Variants in PHF2 observed in about 807,000 individuals in gnomAD.
The protein encoded by PHF2 is PHD finger protein 2.
Under a neutral mutation model 120.5 loss-of-function variants are expected in PHF2, and 27 were observed. That is an observed-to-expected ratio of 0.22 (90% confidence interval 0.17 to 0.31). The LOEUF is 0.31. Ranked by LOEUF, PHF2 falls within the 10% of genes least tolerant of loss-of-function variation. PHF2 has a pLI of 1.00. For missense variants in PHF2, 1,024 were observed against 1,434.8 expected, an observed-to-expected ratio of 0.71 and a Z score of 4.63; for synonymous variants, 568 against 592.5, an observed-to-expected ratio of 0.96 and a Z score of 0.60.
At chr9:93,621,325 C>A (rs1470696722) in intron 1 of PHF2, among the ~76,000 whole-genome samples, 1 of 152,200 alleles carries the variant, frequency 6.6e-6, no homozygotes, top group Non-Finnish European at 1.5e-5. Flanking sequence ...TTTTGGGCGG[C>A]AGAAGGACCC....
intron 17 of PHF2, 44 bp from the exon 18 acceptor site, chr9:93,673,541 G>A: frequency 1.3e-6 from 2 of 1,505,634 alleles, no homozygotes; most frequent in Non-Finnish European, 1.8e-6. Flanking sequence ...CTGGGCTGCA[G>A]GCCAAGAGCA....
In PHF2 at chr9:93,649,115, G is replaced by T. The variant is rs764486090; in HGVS notation, c.505G>T (p.Asp169Tyr). Residue 169 changes from aspartate to tyrosine, a missense_variant, in exon 5 of 22, where the codon GAC (aspartate) becomes TAC (tyrosine). Asp to Tyr is a radical substitution (Grantham distance 160, BLOSUM62 -3). Around this residue, in one of 2 missense-constraint regions of PHF2, gnomAD observed 347 missense variants for 577.4 expected, o/e 0.60. Transcript: ENST00000359246. ...TGTGACAGATGTCACCAAGCAGAAG[G>T]ACTGCAAGATGAAGCTGAAGGAGTT... ...VDVTDVTKQKDCKMKLKEFVD... is the reference protein window; with the variant it reads ...VDVTDVTKQKYCKMKLKEFVD... The T allele has an allele frequency of 1.3e-5, 20 of 1,551,120 alleles. No individual in the cohort carries two copies. The South Asian group carries it at 2.1e-4, about 17-fold the overall frequency.
At chr9:93,661,296 AG>A (rs1826560209) in intron 12 of PHF2, among the ~76,000 whole-genome samples, 2 of 152,148 alleles carry the variant, frequency 1.3e-5, no homozygotes, top group East Asian at 3.9e-4. Flanking sequence ...AGGAAACTTC[AG>A]GGCCGGCATC....
Position 93,667,236 on chromosome 9 carries a change from A to G in PHF2, c.2344A>G (p.Ser782Gly), listed in dbSNP as rs750292353. ...GGTTGGCGCGCTGGAGTACAACCCC[A>G]GCAGGTGGGCCCCACCACCCGGCAG... ...EEVGALEYNP[S>G]SQPPASPSTQ... Residue 782 changes from serine to glycine, a missense_variant, in exon 17 of 22, where the codon AGC (serine) becomes GGC (glycine). Physicochemically the swap from Ser to Gly is moderately conservative, Grantham distance 56. Coordinates refer to ENST00000359246, the MANE Select transcript of PHF2 (RefSeq NM_005392.4). The G allele has an allele frequency of 1.2e-6, 2 of 1,609,228 alleles. No homozygotes were observed. Among genetic ancestry groups the G allele is most frequent in the Non-Finnish European group, 1.7e-6 (2 of 1,178,400 alleles).
chr9:93,668,785 A>AT (rs1826728808), intron 17 of PHF2, among the ~76,000 whole-genome samples: 1 of 152,218 alleles, frequency 6.6e-6, no homozygotes. Context: ...GCCTCGGAGC[A>AT]GTGTGCACGT....
chr9:93,645,263 G>A (rs775036486), intron 3 of PHF2, among the ~76,000 whole-genome samples: 23 of 152,314 alleles, frequency 1.5e-4, no homozygotes, highest in Admixed American at 5.2e-4. Context: ...AGCTGCCCCC[G>A]TCCTCACCTA....
intron 5 of PHF2, among the ~76,000 whole-genome samples, chr9:93,650,528 T>G (rs1826351152): frequency 6.6e-6 from 1 of 152,218 alleles, no homozygotes; most frequent in Non-Finnish European, 1.5e-5. Context: ...TACACCTTGG[T>G]TGGCCCGGTC....
chr9:93,592,261 G>A (rs1825241202), intron 1 of PHF2, among the ~76,000 whole-genome samples: 1 of 152,178 alleles, frequency 6.6e-6, no homozygotes, highest in Non-Finnish European at 1.5e-5. Context: ...GAAGATAGTT[G>A]CCTCTGCAGG....
At position 93,653,273 on chromosome 9, in the gene PHF2, G is replaced by A. The variant is rs1826399610; in HGVS notation, c.697G>A (p.Val233Met). The A allele has an allele frequency of 6.2e-7, 1 of 1,614,060 alleles. No homozygotes were observed. Among genetic ancestry groups the A allele is most frequent in the Non-Finnish European group, 8.5e-7 (1 of 1,180,040 alleles). The change falls in exon 6 of 22, where the codon GTG becomes ATG. Residue 233 changes from valine (V) to methionine (M), a missense_variant. By Grantham distance (21) the Val-to-Met change is conservative (BLOSUM62 1). Coordinates refer to ENST00000359246, the MANE Select transcript of PHF2 (RefSeq NM_005392.4). ...PDDALLAKPK[V>M]TKYCLICVKD... ...TGATGCATTGCTGGCCAAGCCCAAA[G>A]TGACCAAGTACTGCCTAATCTGCGT...
At chr9:93,650,268 C>G (rs1028867468) in intron 5 of PHF2, among the ~76,000 whole-genome samples, 1 of 152,178 alleles carries the variant, frequency 6.6e-6, no homozygotes, top group Non-Finnish European at 1.5e-5. Flanking sequence ...TGGGCACACT[C>G]ATACACAGAC....
chr9:93,662,821 C>T, intron 12 of PHF2, 86 bp from the exon 13 acceptor site: 1 of 1,531,382 alleles, frequency 6.5e-7, no homozygotes. Flanking sequence ...GCACATGGGC[C>T]AGAAGAAGAC....
chr9:93,646,579 C>T (rs1826264376), intron 4 of PHF2, among the ~76,000 whole-genome samples: 1 of 152,188 alleles, frequency 6.6e-6, no homozygotes, highest in Non-Finnish European at 1.5e-5. Context: ...GACGACTGGC[C>T]CCACCACTCT....
chr9:93,577,755 T>C (rs1453055407), intron 1 of PHF2, among the ~76,000 whole-genome samples: 6 of 152,206 alleles, frequency 3.9e-5, no homozygotes, highest in African/African-American at 9.6e-5. Context: ...CCCCGCCCTC[T>C]TGGCCCTTGC....
At chr9:93,605,308 G>T (rs1216897217) in intron 1 of PHF2, among the ~76,000 whole-genome samples, 3 of 152,050 alleles carry the variant, frequency 2.0e-5, no homozygotes, top group African/African-American at 7.2e-5. Context: ...ACCTCTAAAG[G>T]CTGGACTCAA....
At chr9:93,611,310 G>A (rs547231438) in intron 1 of PHF2, among the ~76,000 whole-genome samples, 1 of 151,868 alleles carries the variant, frequency 6.6e-6, no homozygotes, top group South Asian at 2.1e-4. Context: ...AGCTACTCAG[G>A]AGCCTGAGGC....
intron 1 of PHF2, among the ~76,000 whole-genome samples, chr9:93,625,423 A>G (rs1285232017): frequency 6.6e-6 from 1 of 151,082 alleles, no homozygotes; most frequent in Non-Finnish European, 1.5e-5. Flanking sequence ...GTTATTGTGA[A>G]TAATACTGTT....
chr9:93,644,836 G>A (rs1826227573), intron 3 of PHF2, among the ~76,000 whole-genome samples: 1 of 152,118 alleles, frequency 6.6e-6, no homozygotes, highest in Non-Finnish European at 1.5e-5. Context: ...GGATTCCTAG[G>A]GTGTGTAAAT....
At chr9:93,590,701 G>A (rs1378668248) in intron 1 of PHF2, among the ~76,000 whole-genome samples, 1 of 152,236 alleles carries the variant, frequency 6.6e-6, no homozygotes, top group Non-Finnish European at 1.5e-5. Context: ...GCAGGAGCCA[G>A]TGTCCATTCC....
At chr9:93,665,352 T>G (rs1273501012) in intron 14 of PHF2, among the ~76,000 whole-genome samples, 1 of 152,148 alleles carries the variant, frequency 6.6e-6, no homozygotes, top group Non-Finnish European at 1.5e-5. Flanking sequence ...GGGGAAGGGC[T>G]CTCTCTGCCT....
Sources: allele counts gnomAD v4.1 joint callset (sites outside exome capture counted in the v4.1 genomes callset), GRCh38; gene constraint gnomAD v4.1.1; regional missense constraint gnomAD v4.1.1; transcripts MANE v1.5; gene names NCBI Gene and HGNC (gene_info 2026-07-23, HGNC 2026-07-21).